The following CTNNA2 variants were observed in gnomAD, a reference collection of about 807,000 sequenced individuals.
CTNNA2 encodes catenin alpha-2.
A neutral mutation model predicts 101.0 loss-of-function variants in CTNNA2; 42 were observed. The ratio of observed to expected loss-of-function variants is 0.42; its 90% CI spans 0.32 to 0.54. The LOEUF is 0.54. CTNNA2 is among the 20% of genes least tolerant of loss of function. The probability of loss-of-function intolerance (pLI) is 0.14; values close to 1 mark genes in which losing one functional copy is unlikely to be tolerated. For missense variants in CTNNA2, 871 were observed against 1,223.1 expected (o/e 0.71, Z 4.29); for synonymous variants, 450 against 456.4 (o/e 0.99, Z 0.18).
intron 9 of CTNNA2, among the ~76,000 whole-genome samples, chr2:80,479,641 A>T (rs1021672433): frequency 6.6e-6 from 1 of 152,164 alleles, no homozygotes; most frequent in South Asian, 2.1e-4. Flanking sequence ...ATAGGCAGAT[A>T]TGGAGGAAAG....
intron 3 of CTNNA2, among the ~76,000 whole-genome samples, chr2:79,844,995 CACACACAT>C (rs1680108697): frequency 1.3e-5 from 2 of 151,472 alleles, no homozygotes; most frequent in Admixed American, 6.6e-5. Flanking sequence ...CACACACACA[CACACACAT>C]ATATTTGTGT....
At chr2:79,417,662 C>A (rs1411277436) in intron 4 of CTNNA2, among the ~76,000 whole-genome samples, 1 of 152,142 alleles carries the variant, frequency 6.6e-6, no homozygotes, top group African/African-American at 2.4e-5. Context: ...CCAGCCCATC[C>A]AGATAGGCCT....
At chr2:79,637,575 G>A (rs1680159915) in intron 1 of CTNNA2, among the ~76,000 whole-genome samples, 1 of 152,122 alleles carries the variant, frequency 6.6e-6, no homozygotes, top group Non-Finnish European at 1.5e-5. Context: ...CTTCAGAGTG[G>A]TATCGAGAGA....
chr2:80,245,699 G>T (rs1449714557), intron 7 of CTNNA2, among the ~76,000 whole-genome samples: 1 of 147,800 alleles, frequency 6.8e-6, no homozygotes, highest in Admixed American at 6.8e-5. Context: ...ACTGTTTTCT[G>T]TCCTATTAAT....
intron 3 of CTNNA2, among the ~76,000 whole-genome samples, chr2:79,358,614 T>C (rs909883118): frequency 1.3e-5 from 2 of 152,212 alleles, no homozygotes; most frequent in African/African-American, 2.4e-5. Flanking sequence ...ACATACCACA[T>C]AGAATCGGTA....
At chr2:79,618,073 A>G (rs1678751598) in intron 1 of CTNNA2, among the ~76,000 whole-genome samples, 1 of 152,106 alleles carries the variant, frequency 6.6e-6, no homozygotes, top group Non-Finnish European at 1.5e-5. Flanking sequence ...ACACTCCTGG[A>G]CCAATGATTG....
At chr2:79,193,956 T>A (rs1483672147) in intron 1 of CTNNA2, among the ~76,000 whole-genome samples, 1 of 152,230 alleles carries the variant, frequency 6.6e-6, no homozygotes, top group Non-Finnish European at 1.5e-5. Flanking sequence ...GCTGTTGCCA[T>A]TTTTATCATT....
chr2:79,789,699 A>C (rs1675123221), intron 3 of CTNNA2, among the ~76,000 whole-genome samples: 2 of 152,142 alleles, frequency 1.3e-5, no homozygotes, highest in South Asian at 4.2e-4. Flanking sequence ...GGTAGAGTTG[A>C]GAGTGTGTGG....
chr2:80,178,812 C>T (rs1705567548), intron 7 of CTNNA2, among the ~76,000 whole-genome samples: 1 of 152,162 alleles, frequency 6.6e-6, no homozygotes, highest in African/African-American at 2.4e-5. Context: ...TGATAGGCCC[C>T]ACAACACTGT....
At chr2:80,450,956 C>G (rs755413242) in intron 9 of CTNNA2, among the ~76,000 whole-genome samples, 3 of 151,254 alleles carry the variant, frequency 2.0e-5, no homozygotes, top group African/African-American at 4.8e-5. Context: ...CATTAATAAC[C>G]TCCTGACCAT....
intron 4 of CTNNA2, among the ~76,000 whole-genome samples, chr2:79,392,101 C>T (rs531339384): frequency 6.6e-6 from 1 of 152,278 alleles, no homozygotes; most frequent in Admixed American, 6.5e-5. Context: ...GAAACTGGAG[C>T]TCCAACATAT....
At chr2:80,461,591 T>C (rs765775818) in intron 9 of CTNNA2, among the ~76,000 whole-genome samples, 3 of 152,208 alleles carry the variant, frequency 2.0e-5, no homozygotes, top group Non-Finnish European at 2.9e-5. Flanking sequence ...TACATGCAAT[T>C]ATTTTGTCTC....
chr2:79,318,302 T>C (rs955981293), intron 3 of CTNNA2, among the ~76,000 whole-genome samples: 1 of 152,120 alleles, frequency 6.6e-6, no homozygotes, highest in Non-Finnish European at 1.5e-5. Flanking sequence ...GGTGCTATAA[T>C]TCAAATGTAA....
chr2:79,339,705 T>C (rs1268748344), intron 3 of CTNNA2: 2 of 152,280 alleles, frequency 1.3e-5, no homozygotes, highest in Non-Finnish European at 2.9e-5. Flanking sequence ...CCAGATATCT[T>C]GATTCTAACT....
chr2:79,920,220 A>G (rs1045051977), intron 7 of CTNNA2, among the ~76,000 whole-genome samples: 15 of 152,184 alleles, frequency 9.9e-5, no homozygotes, highest in African/African-American at 3.6e-4. Context: ...TCCATCTCAA[A>G]AAAACAAAAA....
intron 7 of CTNNA2, among the ~76,000 whole-genome samples, chr2:80,019,818 CTT>C (rs145910962): frequency 6.6e-6 from 1 of 152,302 alleles, no homozygotes; most frequent in Non-Finnish European, 1.5e-5. Flanking sequence ...TTCTCTCTCT[CTT>C]GTTCTGATCT....
At chr2:79,699,088 A>C (rs1450412675) in intron 2 of CTNNA2, among the ~76,000 whole-genome samples, 1 of 152,102 alleles carries the variant, frequency 6.6e-6, no homozygotes, top group Non-Finnish European at 1.5e-5. Context: ...ATTTTGTACT[A>C]TAAAATGTAG....
chr2:80,508,599 A>G (rs1688460703), intron 9 of CTNNA2, among the ~76,000 whole-genome samples: 1 of 151,690 alleles, frequency 6.6e-6, no homozygotes, highest in Non-Finnish European at 1.5e-5. Flanking sequence ...TTATCTCTGG[A>G]TCAACTCTTA....
intron 7 of CTNNA2, among the ~76,000 whole-genome samples, chr2:80,380,196 C>T (rs1456305444): frequency 1.3e-5 from 2 of 151,890 alleles, no homozygotes; most frequent in Non-Finnish European, 2.9e-5. Context: ...GCCACCATGC[C>T]CGGCTAATTT....
Sources: allele counts gnomAD v4.1 joint callset (sites outside exome capture counted in the v4.1 genomes callset), GRCh38; gene constraint gnomAD v4.1.1; transcripts MANE v1.5; gene names NCBI Gene and HGNC (gene_info 2026-07-23, HGNC 2026-07-21).